Variants in ZRANB3 observed in about 807,000 individuals in gnomAD.
ZRANB3 encodes the protein zinc finger RANBP2-type containing 3, also known as DNA annealing helicase and endonuclease ZRANB3.
ZRANB3 carries 125 observed loss-of-function variants against 133.8 expected under a neutral mutation model. That is an observed-to-expected ratio of 0.93 (90% CI 0.81 to 1.08). ZRANB3 has a LOEUF of 1.08. ZRANB3 is among the 50% of genes least tolerant of loss of function. ZRANB3 has a pLI of 0.00. For synonymous variants in ZRANB3, 387 were observed against 432.7 expected, an observed-to-expected ratio of 0.89 and a Z score of 1.31; for missense variants, 1,229 against 1,275.5, an observed-to-expected ratio of 0.96 and a Z score of 0.56.
At chr2:135,207,184 A>T (rs1469916106) in intron 19 of ZRANB3, among the ~76,000 whole-genome samples, 2 of 150,506 alleles carry the variant, frequency 1.3e-5, no homozygotes, top group East Asian at 3.9e-4. Context: ...ATAAATAAAT[A>T]AATAAATAAT....
At chr2:135,477,475 G>A (rs887992700) in intron 2 of ZRANB3, among the ~76,000 whole-genome samples, 23 of 152,270 alleles carry the variant, frequency 1.5e-4, no homozygotes, top group African/African-American at 5.1e-4. Flanking sequence ...TCCTGCCTGC[G>A]GCCCCTCTTC....
intron 3 of ZRANB3, among the ~76,000 whole-genome samples, chr2:135,376,820 C>T (rs1409280085): frequency 6.6e-6 from 1 of 152,050 alleles, no homozygotes; most frequent in Non-Finnish European, 1.5e-5. Context: ...AAAGAGTAAA[C>T]CTGAATGTAC....
intron 7 of ZRANB3, among the ~76,000 whole-genome samples, chr2:135,314,739 T>C (rs1286517999): frequency 6.6e-6 from 1 of 151,382 alleles, no homozygotes; most frequent in Non-Finnish European, 1.5e-5. Context: ...TTTCACACCT[T>C]CTATTTAGAA....
At chr2:135,420,096 TA>T in intron 2 of ZRANB3, among the ~76,000 whole-genome samples, 3 of 82,520 alleles carry the variant, frequency 3.6e-5, no homozygotes, top group Non-Finnish European at 5.8e-5. Context: ...TAGATTTATA[TA>T]TATATATATA....
At chr2:135,241,740 A>G (rs533274585) in intron 12 of ZRANB3, among the ~76,000 whole-genome samples, 2 of 152,274 alleles carry the variant, frequency 1.3e-5, no homozygotes, top group South Asian at 4.1e-4. Flanking sequence ...ATTTTCAGTT[A>G]CTGCAATAGA....
intron 14 of ZRANB3, among the ~76,000 whole-genome samples, chr2:135,224,979 AAAG>A (rs1216790361): frequency 6.6e-6 from 1 of 152,198 alleles, no homozygotes; most frequent in Non-Finnish European, 1.5e-5. Context: ...GACATTCACA[AAAG>A]AAGATAAGCA....
At chr2:135,322,102 A>G (rs1047006634) in intron 6 of ZRANB3, among the ~76,000 whole-genome samples, 1 of 152,130 alleles carries the variant, frequency 6.6e-6, no homozygotes, top group Non-Finnish European at 1.5e-5. Context: ...TGGATGTCCA[A>G]TTGTTCCAAG....
At chr2:135,230,960 GA>G in intron 12 of ZRANB3, 33 bp from the exon 13 acceptor site, 1 of 1,508,914 alleles carries the variant, frequency 6.6e-7, no homozygotes, top group Non-Finnish European at 8.8e-7. Flanking sequence ...ATCAAAGTAA[GA>G]AGCAATCTAA....
chr2:135,526,748 A>G (rs1028066297), intron 1 of ZRANB3, among the ~76,000 whole-genome samples: 12 of 152,164 alleles, frequency 7.9e-5, no homozygotes, highest in Non-Finnish European at 1.5e-4. Flanking sequence ...TCCCAAATCC[A>G]GCAGATAATC....
intron 3 of ZRANB3, among the ~76,000 whole-genome samples, chr2:135,380,863 G>T (rs1387665059): frequency 6.6e-6 from 1 of 152,000 alleles, no homozygotes; most frequent in Non-Finnish European, 1.5e-5. Flanking sequence ...CAAAAAATCA[G>T]TTAAGGGCGG....
intron 2 of ZRANB3, among the ~76,000 whole-genome samples, chr2:135,492,935 T>C (rs1454452646): frequency 6.6e-6 from 1 of 151,256 alleles, no homozygotes; most frequent in Non-Finnish European, 1.5e-5. Flanking sequence ...GAAATAGATT[T>C]AGACATATGT....
chr2:135,346,222 G>A (rs1275828545), intron 5 of ZRANB3, among the ~76,000 whole-genome samples: 1 of 152,074 alleles, frequency 6.6e-6, no homozygotes, highest in East Asian at 1.9e-4. Context: ...TCAGCCTCCC[G>A]AGTAGCTTGG....
At chr2:135,259,391 G>T (rs1270917318) in intron 12 of ZRANB3, among the ~76,000 whole-genome samples, 1 of 151,598 alleles carries the variant, frequency 6.6e-6, no homozygotes, top group Non-Finnish European at 1.5e-5. Flanking sequence ...TTTTGCAGCA[G>T]ACAAGCAACC....
At chr2:135,465,731 A>C (rs990474357) in intron 2 of ZRANB3, among the ~76,000 whole-genome samples, 4 of 152,228 alleles carry the variant, frequency 2.6e-5, no homozygotes, top group Non-Finnish European at 5.9e-5. Flanking sequence ...GTGAACAGGC[A>C]ACCTACAGAA....
At chr2:135,219,217 G>C (rs1369359947) in intron 15 of ZRANB3, 39 bp from the exon 16 acceptor site, 23 of 1,243,934 alleles carry the variant, frequency 1.8e-5, no homozygotes, top group Non-Finnish European at 2.4e-5. Flanking sequence ...ATCCATTTTT[G>C]TATAGGCACT....
chr2:135,250,331 A>G (rs965114736), intron 12 of ZRANB3, among the ~76,000 whole-genome samples: 1 of 152,242 alleles, frequency 6.6e-6, no homozygotes, highest in Non-Finnish European at 1.5e-5. Flanking sequence ...GAAGCAGAGC[A>G]TAGAAGTTTG....
chr2:135,311,611 G>A (rs1195493312), intron 8 of ZRANB3, among the ~76,000 whole-genome samples: 1 of 151,914 alleles, frequency 6.6e-6, no homozygotes, highest in African/African-American at 2.4e-5. Flanking sequence ...GGGGCCAGAT[G>A]AGGTAGCTCA....
intron 20 of ZRANB3, among the ~76,000 whole-genome samples, chr2:135,200,761 T>G (rs1436922534): frequency 1.3e-5 from 2 of 151,312 alleles, no homozygotes; most frequent in East Asian, 1.9e-4. Flanking sequence ...AGGTTTTTTT[T>G]TTTTTTTTTT....
chr2:135,221,749 G>A (rs1305372018), intron 15 of ZRANB3, among the ~76,000 whole-genome samples: 1 of 152,144 alleles, frequency 6.6e-6, no homozygotes, highest in African/African-American at 2.4e-5. Flanking sequence ...ATGAATAAAG[G>A]AGTCATTGGT....
Sources: allele counts gnomAD v4.1 joint callset (sites outside exome capture counted in the v4.1 genomes callset), GRCh38; gene constraint gnomAD v4.1.1; transcripts MANE v1.5; gene names NCBI Gene and HGNC (gene_info 2026-07-23, HGNC 2026-07-21).